The following VPS13B variants were observed in gnomAD, a reference collection of about 807,000 sequenced individuals.
VPS13B encodes the protein intermembrane lipid transfer protein VPS13B.
Under a neutral mutation model 426.4 loss-of-function variants are expected in VPS13B, and 285 were observed. The observed-to-expected ratio is 0.67, with a 90% CI of 0.61 to 0.74. The LOEUF is 0.74. Among genes scored for constraint, VPS13B ranks in the 30% least tolerant of loss-of-function variants. The probability of loss-of-function intolerance (pLI) is 0.00; values close to 1 mark genes in which losing one functional copy is unlikely to be tolerated. For synonymous variants in VPS13B, 1,676 were observed against 1,676.4 expected (o/e 1.00, Z 0.01); for missense variants, 4,537 against 4,782.6 (o/e 0.95, Z 1.51).
At chr8:99,118,628 T>TA (rs1278993940) in intron 7 of VPS13B, among the ~76,000 whole-genome samples, 4 of 152,208 alleles carry the variant, frequency 2.6e-5, no homozygotes, top group Admixed American at 2.0e-4. Context: ...TAGAATTTCA[T>TA]ATAAATGGAA....
intron 34 of VPS13B, among the ~76,000 whole-genome samples, chr8:99,648,796 T>C (rs1318556430): frequency 6.6e-6 from 1 of 152,168 alleles, no homozygotes; most frequent in African/African-American, 2.4e-5. Context: ...TCTTTTGTAT[T>C]CCCAGCCATT....
chr8:99,771,142 A>G (rs1811467320), intron 40 of VPS13B, among the ~76,000 whole-genome samples: 1 of 152,218 alleles, frequency 6.6e-6, no homozygotes, highest in African/African-American at 2.4e-5. Flanking sequence ...TATATAACAC[A>G]ATAGTAACTG....
intron 40 of VPS13B, among the ~76,000 whole-genome samples, chr8:99,770,640 A>G (rs1677526248): frequency 6.6e-6 from 1 of 152,222 alleles, no homozygotes; most frequent in Admixed American, 6.5e-5. Flanking sequence ...AGAGGAACAC[A>G]GCTAATGTAC....
At chr8:99,715,485 AT>A (rs1285466691) in intron 36 of VPS13B, among the ~76,000 whole-genome samples, 1 of 152,216 alleles carries the variant, frequency 6.6e-6, no homozygotes, top group East Asian at 1.9e-4. Flanking sequence ...AGTTTTAGAA[AT>A]TTGTCAAAGG....
At chr8:99,414,171 C>T (rs999341312) in intron 21 of VPS13B, among the ~76,000 whole-genome samples, 2 of 151,066 alleles carry the variant, frequency 1.3e-5, no homozygotes, top group Non-Finnish European at 2.9e-5. Flanking sequence ...ATGTAATGCC[C>T]TTCTTTGTCT....
chr8:99,064,652 G>A (rs535130932), intron 3 of VPS13B, among the ~76,000 whole-genome samples: 2 of 152,302 alleles, frequency 1.3e-5, no homozygotes, highest in Admixed American at 6.5e-5. Flanking sequence ...TGAAAGTGAT[G>A]GGGAGAATGG....
At chr8:99,335,600 G>T (rs200586012) in intron 19 of VPS13B, among the ~76,000 whole-genome samples, 2 of 151,284 alleles carry the variant, frequency 1.3e-5, no homozygotes, top group African/African-American at 2.4e-5. Context: ...GACATGATTG[G>T]ATATCTAGAA....
intron 1 of VPS13B, among the ~76,000 whole-genome samples, chr8:99,013,551 C>A (rs758659409): frequency 2.6e-5 from 4 of 152,208 alleles, no homozygotes; most frequent in Non-Finnish European, 4.4e-5. Flanking sequence ...CTGGTCACTA[C>A]GTCTTCCTCC....
In VPS13B at chr8:99,147,840, G is replaced by T; in HGVS notation, c.1844-1G>T. 6.9e-7 allele frequency: 1 copy of T among 1,456,810 alleles called. No homozygotes were observed. Among genetic ancestry groups the T allele is most frequent in the Non-Finnish European group, 9.1e-7 (1 of 1,096,226 alleles). The allele number at this position is 1,456,810 out of a possible 1,614,324, so 90.2% of individuals were successfully genotyped here. A position where few individuals can be genotyped will look rare whatever the true frequency, so the allele number is the denominator to read the frequency against. On this transcript the variant is annotated splice_acceptor_variant, in intron 13 of 61. Transcript: ENST00000357162. LOFTEE classifies it high-confidence loss of function. ...TTAATTTTTTATCATTTTAATTTTA[G>T]ATATTAAGGATGAAAATGAAACAAT...
chr8:99,686,398 G>A (rs908352588), intron 35 of VPS13B, among the ~76,000 whole-genome samples: 1 of 150,678 alleles, frequency 6.6e-6, no homozygotes, highest in African/African-American at 2.5e-5. Flanking sequence ...AAGGTCCTAG[G>A]GCTCTATAAC....
At chr8:99,256,505 C>A (rs1817750170) in intron 17 of VPS13B, among the ~76,000 whole-genome samples, 1 of 152,198 alleles carries the variant, frequency 6.6e-6, no homozygotes, top group Non-Finnish European at 1.5e-5. Context: ...TACATTCCCA[C>A]TAACAATATA....
chr8:99,534,951 A>T (rs920322192), intron 30 of VPS13B, among the ~76,000 whole-genome samples: 7 of 152,220 alleles, frequency 4.6e-5, no homozygotes, highest in African/African-American at 1.7e-4. Flanking sequence ...GACCAACTTC[A>T]AGTGTGAGAA....
At chr8:99,269,382 C>G (rs944719995) in intron 17 of VPS13B, among the ~76,000 whole-genome samples, 3 of 152,146 alleles carry the variant, frequency 2.0e-5, no homozygotes, top group Non-Finnish European at 2.9e-5. Context: ...CTTTATAAAG[C>G]ATTTTTTCAA....
chr8:99,508,004 T>C (rs1009712793), intron 28 of VPS13B: 62 of 1,571,850 alleles, frequency 3.9e-5, no homozygotes, highest in Non-Finnish European at 4.9e-5. Context: ...TCTTGATTTG[T>C]GTTTTCCTCC....
chr8:99,565,039 T>G (rs1825116712), intron 31 of VPS13B, among the ~76,000 whole-genome samples: 1 of 152,232 alleles, frequency 6.6e-6, no homozygotes, highest in Admixed American at 6.5e-5. Flanking sequence ...CTGCTTTATA[T>G]GGATACTAGT....
chr8:99,331,886 C>T (rs777363400), intron 19 of VPS13B, among the ~76,000 whole-genome samples: 3 of 151,642 alleles, frequency 2.0e-5, no homozygotes, highest in Middle Eastern at 3.2e-3. Flanking sequence ...TGGAGTTCAA[C>T]GTTGTAACTG....
At chr8:99,677,738 A>C (rs1443399107) in intron 35 of VPS13B, among the ~76,000 whole-genome samples, 1 of 151,514 alleles carries the variant, frequency 6.6e-6, no homozygotes, top group African/African-American at 2.4e-5. Context: ...GCAGTCATTT[A>C]GATTTTTTTT....
intron 2 of VPS13B, among the ~76,000 whole-genome samples, chr8:99,026,886 C>T (rs758555908): frequency 6.6e-6 from 1 of 150,878 alleles, no homozygotes; most frequent in Non-Finnish European, 1.5e-5. Flanking sequence ...TTTTTTTTTC[C>T]CCCGCTCCGA....
intron 35 of VPS13B, among the ~76,000 whole-genome samples, chr8:99,673,804 A>G (rs202209510): frequency 6.6e-6 from 1 of 151,820 alleles, no homozygotes; most frequent in Non-Finnish European, 1.5e-5. Context: ...ATATGGAAAC[A>G]CCATTTCATT....
Sources: allele counts gnomAD v4.1 joint callset (sites outside exome capture counted in the v4.1 genomes callset), GRCh38; gene constraint gnomAD v4.1.1; transcripts MANE v1.5; gene names NCBI Gene and HGNC (gene_info 2026-07-23, HGNC 2026-07-21).